The following ADARB2 variants were observed in gnomAD, a reference collection of about 807,000 sequenced individuals.
ADARB2 encodes the protein adenosine deaminase RNA specific B2 (inactive), also known as inactive double-stranded RNA-specific editase B2.
ADARB2 carries 25 observed loss-of-function variants against 62.2 expected under a neutral mutation model. That is an observed-to-expected ratio of 0.40 (90% CI 0.29 to 0.56). The LOEUF (loss-of-function observed/expected upper bound fraction) is 0.56, where lower values mean the gene tolerates loss of function less well. Among genes scored for constraint, ADARB2 ranks in the 20% least tolerant of loss-of-function variants. ADARB2 has a pLI of 0.43. For synonymous variants in ADARB2, 572 were observed against 500.8 expected (o/e 1.14, Z -1.90); for missense variants, 1,071 against 1,077.4 (o/e 0.99, Z 0.08).
At chr10:1,585,835 C>G (rs975096952) in intron 1 of ADARB2, among the ~76,000 whole-genome samples, 1 of 152,250 alleles carries the variant, frequency 6.6e-6, no homozygotes, top group South Asian at 2.1e-4. Flanking sequence ...GAGATCGAGA[C>G]CATCCTGGCT....
At chr10:1,673,183 C>A (rs1834413665) in intron 1 of ADARB2, among the ~76,000 whole-genome samples, 2 of 152,042 alleles carry the variant, frequency 1.3e-5, no homozygotes. Context: ...GGGAAGACTT[C>A]CAACTCACAT....
intron 3 of ADARB2, among the ~76,000 whole-genome samples, chr10:1,338,257 G>A (rs1831992260): frequency 6.6e-6 from 1 of 152,188 alleles, no homozygotes; most frequent in African/African-American, 2.4e-5. Flanking sequence ...TAGCTTCAGA[G>A]CTTCAGCCCA....
chr10:1,639,778 G>C (rs925868609), intron 1 of ADARB2, among the ~76,000 whole-genome samples: 4 of 152,206 alleles, frequency 2.6e-5, no homozygotes, highest in Non-Finnish European at 2.9e-5. Flanking sequence ...GGAGGCGGAG[G>C]TTGCAGCGAG....
intron 2 of ADARB2, among the ~76,000 whole-genome samples, chr10:1,365,194 AT>A (rs575712418): frequency 9.1e-4 from 138 of 152,226 alleles, no homozygotes; most frequent in African/African-American, 2.7e-3. Flanking sequence ...TTCTCAAAAT[AT>A]TTCAAACTTT....
chr10:1,589,020 A>C (rs1020261596), intron 1 of ADARB2, among the ~76,000 whole-genome samples: 2 of 152,158 alleles, frequency 1.3e-5, no homozygotes, highest in Non-Finnish European at 2.9e-5. Context: ...CGTAACCTGA[A>C]GCGACCTAAG....
chr10:1,668,744 T>G (rs888495112), intron 1 of ADARB2, among the ~76,000 whole-genome samples: 1 of 152,232 alleles, frequency 6.6e-6, no homozygotes, highest in Non-Finnish European at 1.5e-5. Flanking sequence ...AAGGAAAGAT[T>G]GATTTATGTT....
At chr10:1,270,711 C>T (rs1452423918) in intron 4 of ADARB2, among the ~76,000 whole-genome samples, 1 of 152,232 alleles carries the variant, frequency 6.6e-6, no homozygotes, top group Admixed American at 6.5e-5. Flanking sequence ...GGCCAGGCCC[C>T]CCAGAGACGG....
intron 4 of ADARB2, among the ~76,000 whole-genome samples, chr10:1,263,247 G>A (rs951461861): frequency 9.2e-5 from 14 of 152,048 alleles, no homozygotes; most frequent in Non-Finnish European, 1.9e-4. Flanking sequence ...AAACCTGCAC[G>A]TTGTGCACAT....
chr10:1,410,786 T>C (rs1832753004), intron 1 of ADARB2, among the ~76,000 whole-genome samples: 1 of 152,214 alleles, frequency 6.6e-6, no homozygotes, highest in South Asian at 2.1e-4. Flanking sequence ...GGTGCAATTT[T>C]ACCTGCGTAA....
chr10:1,429,156 T>C (rs1426178465), intron 1 of ADARB2, among the ~76,000 whole-genome samples: 1 of 152,210 alleles, frequency 6.6e-6, no homozygotes, highest in African/African-American at 2.4e-5. Context: ...ATGAGGTATG[T>C]GGGCACTTCT....
At position 1,317,812 on chromosome 10, in the gene ADARB2, T is replaced by C. The variant is rs551114696; in HGVS notation, c.1077+45216A>G. Among the ~76,000 whole-genome samples the C allele has an allele frequency of 9.1e-4, 139 of 152,052 alleles. 1 individual carries two copies. The highest frequency in any genetic ancestry group is 3.9e-3 in the Admixed American group (60 of 15,282). ...TCTGTGGGCCGGCCACGCCCCTCCA[T>C]TGGGGGCCCAGCTTGTAGGGGTGGC... On this transcript the variant is annotated intron_variant, in intron 3 of 9. Coordinates refer to ENST00000381312, the MANE Select transcript of ADARB2 (RefSeq NM_018702.4).
intron 1 of ADARB2, among the ~76,000 whole-genome samples, chr10:1,668,411 G>T (rs934406285): frequency 1.3e-5 from 2 of 152,188 alleles, no homozygotes; most frequent in African/African-American, 4.8e-5. Flanking sequence ...TAGTGCAGTG[G>T]AAAACCCCTC....
intron 1 of ADARB2, among the ~76,000 whole-genome samples, chr10:1,597,534 T>C (rs923936135): frequency 2.6e-5 from 4 of 152,198 alleles, no homozygotes; most frequent in African/African-American, 9.6e-5. Flanking sequence ...CCATCATCAC[T>C]AACCATCAGA....
chr10:1,641,665 T>C (rs957036431), intron 1 of ADARB2, among the ~76,000 whole-genome samples: 5 of 152,232 alleles, frequency 3.3e-5, no homozygotes, highest in African/African-American at 1.2e-4. Flanking sequence ...TCTGCTAGCG[T>C]TCTGCTTTCC....
chr10:1,338,006 C>A (rs1353576232), intron 3 of ADARB2, among the ~76,000 whole-genome samples: 1 of 152,206 alleles, frequency 6.6e-6, no homozygotes, highest in Non-Finnish European at 1.5e-5. Flanking sequence ...TTAATACTGT[C>A]ATGGTGCTTT....
Position 1,242,319 on chromosome 10 carries a change from C to T in ADARB2, c.1193-20G>A. 6.5e-7 allele frequency: 1 copy of T among 1,534,556 alleles called. No individual in the cohort carries two copies. Among genetic ancestry groups the T allele is most frequent in the Non-Finnish European group, 8.8e-7 (1 of 1,138,902 alleles). On this transcript the variant is annotated intron_variant, in intron 4 of 9. Coordinates refer to ENST00000381312, the MANE Select transcript of ADARB2 (RefSeq NM_018702.4). Reference sequence around the variant, plus strand: ...CCAGGCCTGGGGACACAGATAGCATCAGAGCAGCGTGGCCCACGGCCCCCG... The same window carrying T: ...CCAGGCCTGGGGACACAGATAGCATTAGAGCAGCGTGGCCCACGGCCCCCG...
At chr10:1,363,995 G>T in intron 2 of ADARB2, 78 bp from the exon 3 acceptor site, 1 of 1,391,098 alleles carries the variant, frequency 7.2e-7, no homozygotes, top group Non-Finnish European at 9.3e-7. Context: ...CTCCCTGAGG[G>T]TCCCCGTCCC....
chr10:1,405,438 T>C (rs780536884), intron 1 of ADARB2, among the ~76,000 whole-genome samples: 3 of 152,176 alleles, frequency 2.0e-5, no homozygotes, highest in Non-Finnish European at 4.4e-5. Context: ...GGGACCAGCC[T>C]GGCCAACGTG....
Position 1,704,467 on chromosome 10 carries a change from A to G in ADARB2, c.100+32584T>C, listed in dbSNP as rs1288947906. On this transcript the variant is annotated intron_variant, in intron 1 of 9. Transcript: ENST00000381312. This position sits in a 1 kb window ranked among gnomAD's most constrained non-coding sequence, Gnocchi z 5.6. Reference sequence around the variant, plus strand: ...AGTTAGCAATAGGATCCCCACTCCTATAGGAATCTAATGCCACTGTGACCT... The same window carrying G: ...AGTTAGCAATAGGATCCCCACTCCTGTAGGAATCTAATGCCACTGTGACCT... Among the ~76,000 whole-genome samples, 1 of 152,142 alleles carries G rather than the reference A, an allele frequency of 6.6e-6. No homozygotes were observed. The highest frequency in any genetic ancestry group is 1.5e-5 in the Non-Finnish European group (1 of 68,022).
Sources: gnomAD v4.1 joint callset for allele counts (sites outside exome capture counted in the v4.1 genomes callset) on GRCh38, gnomAD v4.1.1 for gene constraint, Gnocchi (gnomAD v3.1) non-coding constraint, MANE v1.5 for transcripts, NCBI Gene and HGNC (gene_info 2026-07-23, HGNC 2026-07-21) for gene names.